The following WWTR1 variants were observed in gnomAD, a reference collection of about 807,000 sequenced individuals.
The protein encoded by WWTR1 is WW domain-containing transcription regulator protein 1.
Under a neutral mutation model 40.1 loss-of-function variants are expected in WWTR1, and 13 were observed. The observed-to-expected ratio is 0.32, with a 90% CI of 0.21 to 0.52. WWTR1 has a LOEUF of 0.52. Ranked by LOEUF, WWTR1 falls within the 20% of genes least tolerant of loss-of-function variation. The pLI, the probability that WWTR1 is intolerant of heterozygous loss-of-function variation, is 0.97. For missense variants in WWTR1, 436 were observed against 523.1 expected (o/e 0.83, Z 1.63); for synonymous variants, 230 against 210.1 (o/e 1.09, Z -0.82).
upstream of WWTR1, among the ~76,000 whole-genome samples, chr3:149,706,603 G>T (rs900890708): frequency 3.9e-5 from 6 of 152,156 alleles, no homozygotes; most frequent in Non-Finnish European, 7.4e-5. Flanking sequence ...CAGGAGGTTG[G>T]CCACCATGCC....
intron 3 of WWTR1, among the ~76,000 whole-genome samples, chr3:149,568,847 A>G (rs534034344): frequency 4.8e-4 from 73 of 152,308 alleles, no homozygotes; most frequent in African/African-American, 1.7e-3. Context: ...GCTCACTGCA[A>G]GCTCCGCCTC....
At chr3:149,532,951 T>A (rs1560047297) in intron 4 of WWTR1, among the ~76,000 whole-genome samples, 1 of 152,220 alleles carries the variant, frequency 6.6e-6, no homozygotes, top group South Asian at 2.1e-4. Flanking sequence ...GCTGAGGGCA[T>A]AACTCAAGGC....
intron 2 of WWTR1, among the ~76,000 whole-genome samples, chr3:149,583,433 G>A (rs1738249422): frequency 1.3e-5 from 2 of 152,190 alleles, no homozygotes; most frequent in South Asian, 4.2e-4. Flanking sequence ...CCAACAGTTG[G>A]GCTTAAGTGA....
At chr3:149,557,215 C>T (rs1736871635) in intron 3 of WWTR1, among the ~76,000 whole-genome samples, 3 of 151,836 alleles carry the variant, frequency 2.0e-5, no homozygotes, top group Admixed American at 6.6e-5. Context: ...AGATTACAGG[C>T]GCCCACCACC....
chr3:149,673,064 G>C (rs931364176), intron 1 of WWTR1, among the ~76,000 whole-genome samples: 6 of 152,130 alleles, frequency 3.9e-5, no homozygotes, highest in Admixed American at 3.9e-4. Context: ...GTTAATAGGA[G>C]TAAAAATAAA....
At chr3:149,577,378 G>A (rs1737933631) in intron 2 of WWTR1, among the ~76,000 whole-genome samples, 1 of 152,018 alleles carries the variant, frequency 6.6e-6, no homozygotes, top group African/African-American at 2.4e-5. Context: ...TCCTCTACAA[G>A]TGCTTCCCAT....
intron 1 of WWTR1, among the ~76,000 whole-genome samples, chr3:149,677,168 A>G (rs992389883): frequency 6.6e-6 from 1 of 152,016 alleles, no homozygotes; most frequent in Non-Finnish European, 1.5e-5. Flanking sequence ...CGCCCATCTC[A>G]GCCTCCCAAA....
chr3:149,681,049 T>C (rs13100592), intron 1 of WWTR1, among the ~76,000 whole-genome samples: 42,386 of 152,102 alleles, frequency 0.28, 6,162 homozygotes, highest in Admixed American at 0.35. Context: ...CTTACAGCTT[T>C]CAATACAAGA....
chr3:149,560,792 A>G (rs1018164699), intron 3 of WWTR1, among the ~76,000 whole-genome samples: 1 of 152,224 alleles, frequency 6.6e-6, no homozygotes, highest in African/African-American at 2.4e-5. Context: ...AATGCATGAC[A>G]TGTACTGGGA....
upstream of WWTR1, chr3:149,660,966 C>T (rs6440629): frequency 0.63 from 95,976 of 152,062 alleles, 30,299 homozygotes; most frequent in Admixed American, 0.68. Context: ...TATACCTTTA[C>T]GTAGCCCCTT....
intron 2 of WWTR1, among the ~76,000 whole-genome samples, 191 bp from the exon 3 acceptor site, chr3:149,573,191 G>A (rs1737726294): frequency 1.3e-5 from 2 of 152,178 alleles, no homozygotes; most frequent in African/African-American, 2.4e-5. Flanking sequence ...GGCCACACTG[G>A]GGATTCTGCA....
intron 3 of WWTR1, 131 bp downstream of exon 3, chr3:149,572,733 G>A: frequency 9.0e-7 from 1 of 1,106,580 alleles, no homozygotes; most frequent in South Asian, 1.6e-5. Context: ...TGTTATCGCA[G>A]CACTTTGGGA....
At chr3:149,588,562 A>G (rs2108025324) in intron 2 of WWTR1, among the ~76,000 whole-genome samples, 1 of 152,310 alleles carries the variant, frequency 6.6e-6, no homozygotes, top group South Asian at 2.1e-4. Context: ...AATTACATGG[A>G]TCTGTATTTG....
intron 2 of WWTR1, among the ~76,000 whole-genome samples, chr3:149,610,663 A>AG (rs1739693438): frequency 6.6e-6 from 1 of 152,230 alleles, no homozygotes; most frequent in Non-Finnish European, 1.5e-5. Flanking sequence ...CAGGGAAAGG[A>AG]GGCAGGACGC....
rs566402799 is a variant in WWTR1, at chr3:149,680,686, A to G, written c.-107-10795T>C. Among the ~76,000 whole-genome samples the G allele has an allele frequency of 1.4e-3, 216 of 152,164 alleles. 3 individuals are homozygous for G. Among genetic ancestry groups the G allele is most frequent in the Non-Finnish European group, 6.5e-4 (44 of 68,008 alleles). ...CCATTTCTAAAAAAAAAAAAATGAA[A>G]AAAGAATTAACCAGGCTTAATGCCA... On this transcript the variant is annotated intron_variant, in intron 1 of 7. Coordinates refer to the WWTR1 transcript ENST00000465804.
chr3:149,560,611 G>T (rs1206509058), intron 3 of WWTR1, among the ~76,000 whole-genome samples: 1 of 152,090 alleles, frequency 6.6e-6, no homozygotes, highest in Non-Finnish European at 1.5e-5. Flanking sequence ...CTAAATGAAG[G>T]CCTTGTGAAC....
chr3:149,555,113 G>T (rs1243399746), intron 3 of WWTR1, among the ~76,000 whole-genome samples: 5 of 152,190 alleles, frequency 3.3e-5, no homozygotes, highest in Admixed American at 3.3e-4. Context: ...AACTACTCCA[G>T]GTGCGAAGTA....
chr3:149,682,118 TA>T (rs1166740613), intron 1 of WWTR1, among the ~76,000 whole-genome samples: 2 of 152,174 alleles, frequency 1.3e-5, no homozygotes, highest in Non-Finnish European at 2.9e-5. Context: ...AGGAAGTAAG[TA>T]CCGTAGACTG....
intron 3 of WWTR1, among the ~76,000 whole-genome samples, chr3:149,543,354 G>A (rs913860833): frequency 1.3e-5 from 2 of 151,946 alleles, no homozygotes; most frequent in African/African-American, 2.4e-5. Context: ...AGGCCAAGGC[G>A]AACGGATCAT....
Sources: gnomAD v4.1 joint callset for allele counts (sites outside exome capture counted in the v4.1 genomes callset) on GRCh38, gnomAD v4.1.1 for gene constraint, MANE v1.5 for transcripts, NCBI Gene and HGNC (gene_info 2026-07-23, HGNC 2026-07-21) for gene names.